The following VAT1L variants were observed in gnomAD, a reference collection of about 807,000 sequenced individuals.
The protein encoded by VAT1L is putative NADPH-dependent quinone oxidoreductase VAT1L.
VAT1L carries 34 observed loss-of-function variants against 44.1 expected under a neutral mutation model. The ratio of observed to expected loss-of-function variants is 0.77; its 90% confidence interval spans 0.59 to 1.03. VAT1L has a LOEUF of 1.03. Ranked by LOEUF, VAT1L falls within the 50% of genes least tolerant of loss-of-function variation. VAT1L has a pLI of 0.00. For missense variants in VAT1L, 615 were observed against 538.8 expected (o/e 1.14, Z -1.40); for synonymous variants, 253 against 202.2 (o/e 1.25, Z -2.13).
intron 7 of VAT1L, among the ~76,000 whole-genome samples, chr16:77,932,578 AT>A (rs2017745416): frequency 6.6e-6 from 1 of 152,194 alleles, no homozygotes; most frequent in Non-Finnish European, 1.5e-5. Context: ...CCCATCCTAT[AT>A]CCCATCAGAT....
At chr16:77,822,499 T>C (rs1156574871) in intron 2 of VAT1L, among the ~76,000 whole-genome samples, 1 of 152,074 alleles carries the variant, frequency 6.6e-6, no homozygotes, top group Non-Finnish European at 1.5e-5. Flanking sequence ...CCCCTTCCAG[T>C]ATCCAAGAAA....
chr16:77,874,487 GT>G (rs1180221332), intron 4 of VAT1L, among the ~76,000 whole-genome samples: 2 of 151,998 alleles, frequency 1.3e-5, no homozygotes, highest in African/African-American at 2.4e-5. Flanking sequence ...ACACCCCTTT[GT>G]TTTCATACTC....
rs557658268 is a variant in VAT1L, at chr16:77,957,247, G to A, written c.1078-14603G>A. Among the ~76,000 whole-genome samples, 8 of 152,176 alleles carry A rather than the reference G, an allele frequency of 5.3e-5. No homozygotes were observed. The South Asian group carries it at 8.3e-4, about 16-fold the overall frequency. On this transcript the variant is annotated intron_variant, in intron 7 of 8. Transcript: ENST00000302536. ...GAATTCTCATGTTTGACAATTCCGG[G>A]TGAAAACCTTCAGACATTATGGAAT...
At chr16:77,955,568 T>C (rs2018093448) in intron 7 of VAT1L, among the ~76,000 whole-genome samples, 1 of 151,984 alleles carries the variant, frequency 6.6e-6, no homozygotes, top group Non-Finnish European at 1.5e-5. Flanking sequence ...CCACTAAAAA[T>C]ACAAAAATTA....
rs543468406 is a variant in VAT1L at position 77,820,883 on chromosome 16, C to G, written c.363+3833C>G. ...TTTATTATTATCAATAACAATAGCA[C>G]CTAGCAGCCCCTTCCCCAGTAGTTT... On this transcript the variant is annotated intron_variant, in intron 2 of 8. Transcript: ENST00000302536. 7.5e-4 allele frequency among the ~76,000 whole-genome samples: 114 copies of G among 152,284 alleles called. 1 individual carries two copies. Among genetic ancestry groups the G allele is most frequent in the African/African-American group, 2.4e-3 (101 of 41,570 alleles).
chr16:77,962,720 AAAAGAAGG>A (rs1288411290), intron 7 of VAT1L, among the ~76,000 whole-genome samples: 8 of 108,766 alleles, frequency 7.4e-5, no homozygotes, highest in African/African-American at 2.5e-4. Flanking sequence ...TTTTCTCTAC[AAAAGAAGG>A]AAAGAAGGAA....
intron 7 of VAT1L, among the ~76,000 whole-genome samples, chr16:77,970,039 C>G (rs1022520132): frequency 1.8e-5 from 2 of 109,022 alleles, no homozygotes; most frequent in African/African-American, 3.8e-5. Context: ...CATGGCAAAA[C>G]CACATCTCTA....
chr16:77,946,107 G>C (rs2017959226), intron 7 of VAT1L, among the ~76,000 whole-genome samples: 1 of 151,730 alleles, frequency 6.6e-6, no homozygotes, highest in African/African-American at 2.4e-5. Flanking sequence ...GCCAGGGCTT[G>C]CCGTTTTTTA....
intron 7 of VAT1L, among the ~76,000 whole-genome samples, chr16:77,931,203 C>T (rs1057466951): frequency 1.5e-4 from 23 of 152,080 alleles, no homozygotes; most frequent in East Asian, 1.9e-4. Context: ...TTTCATTGAA[C>T]GACGTGGGTG....
intron 7 of VAT1L, among the ~76,000 whole-genome samples, chr16:77,945,579 C>T (rs2017951192): frequency 6.6e-6 from 1 of 151,912 alleles, no homozygotes; most frequent in Non-Finnish European, 1.5e-5. Context: ...TGTTAGCCAC[C>T]ACACCTGGCC....
At position 77,947,520 on chromosome 16, in the gene VAT1L, C is replaced by T. The variant is rs430428; in HGVS notation, c.1078-24330C>T. ...ATCCAGGGCCCACTGGCCAATATTACTCTCAGGGTTATCTTCCCGAAACAC... is the reference window on the plus strand; with the variant it reads ...ATCCAGGGCCCACTGGCCAATATTATTCTCAGGGTTATCTTCCCGAAACAC... On this transcript the variant is annotated intron_variant, in intron 7 of 8. Coordinates refer to ENST00000302536, the MANE Select transcript of VAT1L (RefSeq NM_020927.3). Among the ~76,000 whole-genome samples, 1,207 of 152,188 alleles carry T rather than the reference C, an allele frequency of 7.9e-3. 19 individuals carry two copies. Among genetic ancestry groups the T allele is most frequent in the South Asian group, 0.01 (50 of 4,820 alleles).
At chr16:77,808,959 A>G (rs1054058565) in intron 1 of VAT1L, among the ~76,000 whole-genome samples, 1 of 152,190 alleles carries the variant, frequency 6.6e-6, no homozygotes, top group Non-Finnish European at 1.5e-5. Flanking sequence ...AACTTTGGGC[A>G]TCCACTACCT....
rs73577003 is a variant in VAT1L at position 77,832,765 on chromosome 16, T to C, written c.579+7304T>C. Among the ~76,000 whole-genome samples the C allele has an allele frequency of 8.3e-3, 1,259 of 152,280 alleles. 12 individuals are homozygous for C. The highest frequency in any genetic ancestry group is 0.031 in the Middle Eastern group (9 of 294). On this transcript the variant is annotated intron_variant, in intron 3 of 8. Coordinates refer to ENST00000302536, the MANE Select transcript of VAT1L (RefSeq NM_020927.3). ...TAAACCACACAAGGGAGGGGAAGAA[T>C]CTATAAAGGGGGCATTATGAGGCTT...
intron 3 of VAT1L, among the ~76,000 whole-genome samples, chr16:77,844,852 G>A (rs1403146869): frequency 1.4e-5 from 2 of 142,032 alleles, no homozygotes; most frequent in East Asian, 4.0e-4. Context: ...ATACGTGTGT[G>A]TGCATGTGTA....
intron 7 of VAT1L, among the ~76,000 whole-genome samples, chr16:77,919,004 T>C (rs1229103613): frequency 6.6e-6 from 1 of 152,194 alleles, no homozygotes; most frequent in Non-Finnish European, 1.5e-5. Context: ...AAGAGAGTCG[T>C]GGCTATGTAA....
At chr16:77,853,762 G>C (rs1197040119) in intron 3 of VAT1L, among the ~76,000 whole-genome samples, 1 of 151,998 alleles carries the variant, frequency 6.6e-6, no homozygotes, top group Non-Finnish European at 1.5e-5. Context: ...GAGAAGCACG[G>C]ATCCATACAA....
chr16:77,825,950 G>C (rs534847205), intron 3 of VAT1L, among the ~76,000 whole-genome samples: 1 of 148,530 alleles, frequency 6.7e-6, no homozygotes, highest in African/African-American at 2.5e-5. Context: ...GTGAACCCGG[G>C]AGGCAGAGCT....
chr16:77,816,805 G>C (rs1282921549), intron 1 of VAT1L, 116 bp from the exon 2 acceptor site: 2 of 1,287,646 alleles, frequency 1.6e-6, no homozygotes, highest in East Asian at 5.1e-5. Context: ...AGACAGGAAG[G>C]AGTGAAGAAG....
At chr16:77,831,713 G>A (rs897586523) in intron 3 of VAT1L, among the ~76,000 whole-genome samples, 2 of 152,290 alleles carry the variant, frequency 1.3e-5, no homozygotes, top group South Asian at 4.1e-4. Context: ...TTCCTGGACT[G>A]AAAAGGGCCA....
Sources: gnomAD v4.1 joint callset for allele counts (sites outside exome capture counted in the v4.1 genomes callset) on GRCh38, gnomAD v4.1.1 for gene constraint, MANE v1.5 for transcripts, NCBI Gene and HGNC (gene_info 2026-07-23, HGNC 2026-07-21) for gene names.